Variants in ZFP64 observed in about 807,000 individuals in gnomAD.
The protein encoded by ZFP64 is ZFP64 zinc finger protein, also known as zinc finger protein 64.
Under a neutral mutation model 51.6 loss-of-function variants are expected in ZFP64, and 14 were observed. The ratio of observed to expected loss-of-function variants is 0.27; its 90% confidence interval spans 0.18 to 0.42. ZFP64 has a LOEUF of 0.42. Among genes scored for constraint, ZFP64 ranks in the 10% least tolerant of loss-of-function variants. The pLI, the probability that ZFP64 is intolerant of heterozygous loss-of-function variation, is 1.00. For synonymous variants in ZFP64, 375 were observed against 361.4 expected, an observed-to-expected ratio of 1.04 and a Z score of -0.43; for missense variants, 754 against 906.8, an observed-to-expected ratio of 0.83 and a Z score of 2.16.
chr20:52,085,851 A>C lies in ZFP64; in HGVS notation c.1229-585T>G, dbSNP rs1021102157. On this transcript the variant is annotated intron_variant, in intron 8 of 8. Transcript: ENST00000361387. The surrounding 1 kb of genome is among the most constrained non-coding windows in gnomAD (Gnocchi z 4.3). ...AATAATAAAGAGCCATGGTCTTTAGAGTCCCATTCCCTGGAGACATTGCTA... is the reference window on the plus strand; with the variant it reads ...AATAATAAAGAGCCATGGTCTTTAGCGTCCCATTCCCTGGAGACATTGCTA... 3.9e-5 allele frequency among the ~76,000 whole-genome samples: 6 copies of C among 152,228 alleles called. No homozygotes were observed. Among genetic ancestry groups the C allele is most frequent in the Non-Finnish European group, 5.9e-5 (4 of 68,042 alleles).
At chr20:52,172,971 A>G (rs1982877779) in intron 2 of ZFP64, among the ~76,000 whole-genome samples, 1 of 152,002 alleles carries the variant, frequency 6.6e-6, no homozygotes, top group Non-Finnish European at 1.5e-5. Context: ...CAGTTATTTG[A>G]TCATGATGTT....
chr20:52,165,301 G>C (rs567266604), intron 3 of ZFP64: 6 of 456,120 alleles, frequency 1.3e-5, no homozygotes. Context: ...AGAATATTCT[G>C]GTTTTTAGGA....
At chr20:52,179,275 A>T (rs374430085) in intron 2 of ZFP64, among the ~76,000 whole-genome samples, 2 of 152,182 alleles carry the variant, frequency 1.3e-5, no homozygotes, top group Non-Finnish European at 2.9e-5. Flanking sequence ...TGTGAGTCCA[A>T]TAAACCTCTT....
intron 5 of ZFP64, among the ~76,000 whole-genome samples, chr20:52,101,380 AT>A (rs5841878): frequency 0.76 from 115,583 of 151,474 alleles, 44,426 homozygotes; most frequent in African/African-American, 0.83. Context: ...GGGACTTGCG[AT>A]TTTTTTTTGA....
In ZFP64 at chr20:52,191,753, A is replaced by C; in HGVS notation, c.-117T>G. 1 of 1,253,832 alleles carries C rather than the reference A, an allele frequency of 8.0e-7. No individual in the cohort carries two copies. The highest frequency in any genetic ancestry group is 1.1e-6 in the Non-Finnish European group (1 of 949,620). 77.7% of individuals were successfully genotyped at this position (1,253,832 alleles called of 1,614,324 possible). On this transcript the variant is annotated 5_prime_UTR_variant, in exon 1 of 6. Transcript: ENST00000216923. This position sits in a 1 kb window ranked among gnomAD's most constrained non-coding sequence, Gnocchi z 4.3. The stretch of plus-strand genomic sequence containing the variant: ...ACACCCCCCACCCTGCCTTCTCCCA[A>C]CTCTGCGAGGCGGGGAGGACGGATG...
chr20:52,145,820 C>A (rs896128210), intron 5 of ZFP64, among the ~76,000 whole-genome samples: 26 of 152,058 alleles, frequency 1.7e-4, no homozygotes, highest in African/African-American at 6.0e-4. Context: ...TGTACTACTG[C>A]AGACCTTATA....
chr20:52,168,479 C>G (rs970250303), intron 2 of ZFP64, among the ~76,000 whole-genome samples: 4 of 152,206 alleles, frequency 2.6e-5, no homozygotes, highest in African/African-American at 9.6e-5. Context: ...ATTTTTTGGG[C>G]CCCATCTCAG....
chr20:52,152,588 G>T lies in ZFP64; in HGVS notation c.1604C>A (p.Pro535Gln), dbSNP rs755233063. Residue 535 changes from proline to glutamine, a missense_variant, in exon 6 of 6, where the codon CCA becomes CAA. Pro to Gln is a moderately conservative substitution (Grantham distance 76). This residue lies in a region of ZFP64 where 428 missense variants were observed against 472.4 expected (regional missense o/e 0.91). Transcript: ENST00000216923. ...CAGGATCTGCAGCCGGCTGTTCCCT[G>T]GGAGTTCCTCTGGGTTCTGGGCCAC... The part of the protein sequence containing the change: ...ALVAQNPEEL[P>Q]GNSRLQILRQ... The T allele has an allele frequency of 1.3e-6, 2 of 1,551,998 alleles. No individual in the cohort carries two copies. Among genetic ancestry groups the T allele is most frequent in the Non-Finnish European group, 1.7e-6 (2 of 1,152,720 alleles).
intron 7 of ZFP64, chr20:52,088,914 G>T: frequency 1.6e-6 from 1 of 620,674 alleles, no homozygotes; most frequent in Non-Finnish European, 3.0e-6. Context: ...AATGGCAGTG[G>T]TTATAGAAGT....
At chr20:52,184,631 TTTTA>T (rs1387082705) in intron 2 of ZFP64, among the ~76,000 whole-genome samples, 1 of 152,120 alleles carries the variant, frequency 6.6e-6, no homozygotes, top group African/African-American at 2.4e-5. Context: ...AATCCCTCTT[TTTTA>T]TTTTATTTAA....
chr20:52,134,154 G>A (rs1410369887), intron 5 of ZFP64, among the ~76,000 whole-genome samples: 3 of 150,926 alleles, frequency 2.0e-5, no homozygotes, highest in African/African-American at 7.3e-5. Context: ...GGATCCCTCC[G>A]CTCCCCAAGG....
rs59732634 is a variant in ZFP64, at chr20:52,100,772, C to A, written c.764-2185G>T. Among the ~76,000 whole-genome samples, 781 of 152,282 alleles carry A rather than the reference C, an allele frequency of 5.1e-3. 13 individuals carry two copies. The highest frequency in any genetic ancestry group is 0.018 in the African/African-American group (740 of 41,544). On this transcript the variant is annotated intron_variant, in intron 5 of 8. Coordinates refer to the ZFP64 transcript ENST00000361387. ...GTGCAACTATTGGCAAGCTACTTAA[C>A]CTTTCTGAGCTTCAGTTTACTCGTT...
intron 5 of ZFP64, among the ~76,000 whole-genome samples, chr20:52,125,782 A>G (rs996549933): frequency 6.6e-6 from 1 of 152,236 alleles, no homozygotes; most frequent in Non-Finnish European, 1.5e-5. Flanking sequence ...ATGGCTTAAC[A>G]CAAGATACAC....
rs564870047 is a variant in ZFP64, at chr20:52,111,040, C to T, written c.764-12453G>A. 1,669 of 1,399,530 alleles carry T rather than the reference C, an allele frequency of 1.2e-3. 10 individuals carry two copies. The African/African-American group carries it at 0.02, about 17-fold the overall frequency. 86.7% of individuals were successfully genotyped at this position (1,399,530 alleles called of 1,614,324 possible). A position where few individuals can be genotyped will look rare whatever the true frequency, so the allele number is the denominator to read the frequency against. On this transcript the variant is annotated intron_variant, in intron 5 of 8. Transcript: ENST00000361387. ...AAGGGCGCGCTTGGTGTGCAGGCCG[C>T]TGCTGCCATGCGGAGCGGAGAGGAG...
intron 5 of ZFP64, among the ~76,000 whole-genome samples, chr20:52,113,370 C>T (rs1280584984): frequency 6.7e-6 from 1 of 149,208 alleles, no homozygotes; most frequent in Non-Finnish European, 1.5e-5. Context: ...GAAAACTAGA[C>T]AGGAACAAAT....
chr20:52,173,140 C>G (rs1241453409), intron 2 of ZFP64, among the ~76,000 whole-genome samples: 1 of 152,192 alleles, frequency 6.6e-6, no homozygotes, highest in Admixed American at 6.5e-5. Context: ...GCTTTGATAT[C>G]TCCCTATCTA....
intron 7 of ZFP64, chr20:52,088,787 A>G (rs2078891028): frequency 3.8e-6 from 4 of 1,039,872 alleles, no homozygotes; most frequent in Non-Finnish European, 5.7e-6. Flanking sequence ...AGTCTACATC[A>G]GCATATTGGG....
In ZFP64 at chr20:52,088,392, C is replaced by T. The variant is rs1453283936; in HGVS notation, c.1228G>A (p.Gly410Arg). The change falls in exon 8 of 9, where the codon GGG becomes AGG. Residue 410 changes from glycine (G) to arginine (R), a missense_variant and splice_region_variant. By Grantham distance (125) the Gly-to-Arg change is moderately radical. Coordinates refer to the ZFP64 transcript ENST00000361387. Reference sequence around the variant, plus strand: ...TGAGGTTTCCTGGTCAGGGACTCACCCGTGTGAGATCGCAGGTGGACGGTG... The same window carrying T: ...TGAGGTTTCCTGGTCAGGGACTCACTCGTGTGAGATCGCAGGTGGACGGTG... 3 of 1,613,854 alleles carry T rather than the reference C, an allele frequency of 1.9e-6. No homozygotes were observed. In the Admixed American group the frequency reaches 5.0e-5, roughly 27 times the overall value.
chr20:52,175,858 G>A, intron 2 of ZFP64: 4 of 133,468 alleles, frequency 3.0e-5, no homozygotes, highest in Non-Finnish European at 3.3e-5. Flanking sequence ...CCGCACCCCC[G>A]CTGCCGCCCC....
Sources: allele counts gnomAD v4.1 joint callset (sites outside exome capture counted in the v4.1 genomes callset), GRCh38; gene constraint gnomAD v4.1.1; regional missense constraint gnomAD v4.1.1; non-coding constraint Gnocchi (gnomAD v3.1); transcripts MANE v1.5; gene names NCBI Gene and HGNC (gene_info 2026-07-23, HGNC 2026-07-21).